RAI1: variants seen among roughly 807,000 people sequenced by gnomAD.
The protein encoded by RAI1 is retinoic acid-induced protein 1.
Under a neutral mutation model 123.8 loss-of-function variants are expected in RAI1, and 9 were observed. The ratio of observed to expected loss-of-function variants is 0.07; its 90% CI spans 0.04 to 0.13. The LOEUF is 0.13. RAI1 is among the 10% of genes least tolerant of loss of function. The pLI is 1.00. For synonymous variants in RAI1, 1,231 were observed against 1,127.3 expected, an observed-to-expected ratio of 1.09 and a Z score of -1.84; for missense variants, 2,256 against 2,545.8, an observed-to-expected ratio of 0.89 and a Z score of 2.45.
chr17:17,746,108 C>T (rs1325898796), intron 2 of RAI1, among the ~76,000 whole-genome samples: 14 of 151,954 alleles, frequency 9.2e-5, no homozygotes, highest in Admixed American at 9.2e-4. Flanking sequence ...CCTGTCAGCC[C>T]CGAGCACTGG....
chr17:17,800,657 G>C lies in RAI1; in HGVS notation c.5565+2144G>C, dbSNP rs1383430676. The stretch of plus-strand genomic sequence containing the variant: ...TTGCCAGCCCAGCCCATGCCTGTCT[G>C]CTGTGCCATGCTCCAGAAATGGCCT... On this transcript the variant is annotated intron_variant, in intron 3 of 5. Coordinates refer to ENST00000353383, the MANE Select transcript of RAI1 (RefSeq NM_030665.4). The surrounding 1 kb of genome is among the most constrained non-coding windows in gnomAD (Gnocchi z 4.7). 6.6e-6 allele frequency among the ~76,000 whole-genome samples: 1 copy of C among 152,266 alleles called. No homozygotes were observed. The highest frequency in any genetic ancestry group is 6.5e-5 in the Admixed American group (1 of 15,284).
intron 1 of RAI1, among the ~76,000 whole-genome samples, chr17:17,708,929 C>T (rs1176318501): frequency 6.6e-6 from 1 of 152,260 alleles, no homozygotes; most frequent in East Asian, 1.9e-4. Flanking sequence ...GCTCCTGCCA[C>T]CCCTGCTCCA....
chr17:17,742,692 C>T (rs1345865435), intron 2 of RAI1, among the ~76,000 whole-genome samples: 1 of 152,224 alleles, frequency 6.6e-6, no homozygotes, highest in African/African-American at 2.4e-5. Context: ...CTGAGTCCCC[C>T]AGAGCCAAGG....
Position 17,754,179 on chromosome 17 carries a change from G to A in RAI1, c.-17+30020G>A, listed in dbSNP as rs1287502076. On this transcript the variant is annotated intron_variant, in intron 2 of 5. Coordinates refer to ENST00000353383, the MANE Select transcript of RAI1 (RefSeq NM_030665.4). The stretch of plus-strand genomic sequence containing the variant: ...TGTACAAAGGCATTTTATGCCATTC[G>A]CCTAACCCAATCTTTTTTTTTTTTT... Among the ~76,000 whole-genome samples the A allele has an allele frequency of 1.5e-5, 2 of 136,806 alleles. 1 individual carries two copies. The highest frequency in any genetic ancestry group is 3.1e-5 in the Non-Finnish European group (2 of 64,542). 89.8% of individuals were successfully genotyped at this position (136,806 alleles called of 152,430 possible).
At chr17:17,741,766 C>T (rs1186808098) in intron 2 of RAI1, among the ~76,000 whole-genome samples, 2 of 152,226 alleles carry the variant, frequency 1.3e-5, no homozygotes, top group African/African-American at 2.4e-5. Flanking sequence ...GAGTGGGGCT[C>T]AGCATGAAGG....
intron 1 of RAI1, chr17:17,682,659 G>C (rs2142846727): frequency 6.6e-6 from 1 of 152,354 alleles, no homozygotes; most frequent in East Asian, 1.9e-4. Context: ...TCGCGCCAGG[G>C]GCCTCCGTGG....
At chr17:17,760,992 G>A (rs1163148135) in intron 2 of RAI1, among the ~76,000 whole-genome samples, 1 of 152,236 alleles carries the variant, frequency 6.6e-6, no homozygotes, top group Non-Finnish European at 1.5e-5. Context: ...TCAGGGGATA[G>A]GCAGCTCATT....
At position 17,801,783 on chromosome 17, in the gene RAI1, G is replaced by C. The variant is rs2032470004; in HGVS notation, c.5566-1973G>C. 6.6e-6 allele frequency among the ~76,000 whole-genome samples: 1 copy of C among 152,208 alleles called. No individual in the cohort carries two copies. The highest frequency in any genetic ancestry group is 1.5e-5 in the Non-Finnish European group (1 of 68,032). ...CCACCCTGAGCATGTGGGGTCCTGT[G>C]GGCCCCTACTCCAGCCTGGAGGCAG... is the stretch of plus-strand genomic sequence containing the variant. On this transcript the variant is annotated intron_variant, in intron 3 of 5. Transcript: ENST00000353383. The surrounding 1 kb of genome is among the most constrained non-coding windows in gnomAD (Gnocchi z 4.1).
intron 4 of RAI1, among the ~76,000 whole-genome samples, chr17:17,807,111 G>A (rs1237811604): frequency 6.6e-6 from 1 of 152,178 alleles, no homozygotes; most frequent in Non-Finnish European, 1.5e-5. Context: ...GGCTGAGGAG[G>A]AGGGTGGACC....
At chr17:17,738,946 A>G (rs913690159) in intron 2 of RAI1, among the ~76,000 whole-genome samples, 1 of 152,154 alleles carries the variant, frequency 6.6e-6, no homozygotes. Context: ...TGCCCGTAGT[A>G]TCCTGGGGAA....
At chr17:17,694,520 A>G (rs922165108) in intron 1 of RAI1, among the ~76,000 whole-genome samples, 1 of 152,100 alleles carries the variant, frequency 6.6e-6, no homozygotes, top group African/African-American at 2.4e-5. Flanking sequence ...ACGCCCGGGC[A>G]GCTCCACGCT....
chr17:17,689,766 C>T (rs1309402925), intron 1 of RAI1, among the ~76,000 whole-genome samples: 2 of 152,154 alleles, frequency 1.3e-5, no homozygotes, highest in Non-Finnish European at 2.9e-5. Flanking sequence ...ATAGGGTGGT[C>T]GTTTGTTCAA....
At chr17:17,724,513 T>C (rs890279207) in intron 2 of RAI1, among the ~76,000 whole-genome samples, 11 of 147,506 alleles carry the variant, frequency 7.5e-5, no homozygotes, top group African/African-American at 2.8e-4. Flanking sequence ...TTGACGAATG[T>C]GGTATTGGCG....
chr17:17,797,399 C>T lies in RAI1; in HGVS notation c.4451C>T (p.Thr1484Ile), dbSNP rs1203991678. The change falls in exon 3 of 6, where the codon ACA becomes ATA. Residue 1484 changes from threonine to isoleucine, a missense_variant. Thr to Ile is a moderately conservative substitution (Grantham distance 89, BLOSUM62 -1). Transcript: ENST00000353383. ...ACTCCCCGAGACAGGGCCAGTGGCA[C>T]ACAAGGGGCCAGTGAGGACAACTCT... ...LLTPRDRASG[T>I]QGASEDNSGG... 6.2e-7 allele frequency: 1 copy of T among 1,612,850 alleles called. No individual in the cohort carries two copies. The highest frequency in any genetic ancestry group is 1.1e-5 in the South Asian group (1 of 91,068).
chr17:17,771,798 C>T (rs528419204), intron 2 of RAI1, among the ~76,000 whole-genome samples: 2 of 152,352 alleles, frequency 1.3e-5, no homozygotes, highest in South Asian at 4.1e-4. Flanking sequence ...CGCCTTTCAT[C>T]CCTGTGCTGA....
chr17:17,792,746 A>G (rs2032063488), intron 2 of RAI1, among the ~76,000 whole-genome samples, 187 bp from the exon 3 acceptor site: 1 of 116,022 alleles, frequency 8.6e-6, no homozygotes, highest in Non-Finnish European at 1.7e-5. Flanking sequence ...GCTGGTGGGG[A>G]GGCTCAGGCG....
chr17:17,750,083 C>T (rs2030094079), intron 2 of RAI1, among the ~76,000 whole-genome samples: 1 of 152,174 alleles, frequency 6.6e-6, no homozygotes, highest in South Asian at 2.1e-4. Context: ...GAGGGTCCAC[C>T]CTGGAAGGAG....
At chr17:17,765,488 T>A (rs995505467) in intron 2 of RAI1, among the ~76,000 whole-genome samples, 2 of 152,252 alleles carry the variant, frequency 1.3e-5, no homozygotes, top group Non-Finnish European at 2.9e-5. Context: ...CCCAGACACA[T>A]GAGGCTGAGT....
intron 1 of RAI1, among the ~76,000 whole-genome samples, chr17:17,718,882 G>A (rs1915793581): frequency 6.6e-6 from 1 of 152,158 alleles, no homozygotes; most frequent in Admixed American, 6.6e-5. Flanking sequence ...AGCAGGTACA[G>A]TGGAGGCTGA....
Sources: gnomAD v4.1 joint callset for allele counts (sites outside exome capture counted in the v4.1 genomes callset) on GRCh38, gnomAD v4.1.1 for gene constraint, Gnocchi (gnomAD v3.1) non-coding constraint, MANE v1.5 for transcripts, NCBI Gene and HGNC (gene_info 2026-07-23, HGNC 2026-07-21) for gene names.